REEP1: variants seen among roughly 807,000 people sequenced by gnomAD.
REEP1 encodes the protein receptor expression-enhancing protein 1.
REEP1 carries 22 observed loss-of-function variants against 40.3 expected under a neutral mutation model. That is an observed-to-expected ratio of 0.55 (90% CI 0.39 to 0.78). The LOEUF is 0.78. Ranked by LOEUF, REEP1 falls within the 30% of genes least tolerant of loss-of-function variation. The pLI, the probability that REEP1 is intolerant of heterozygous loss-of-function variation, is 0.00. For synonymous variants in REEP1, 116 were observed against 139.2 expected, an observed-to-expected ratio of 0.83 and a Z score of 1.17; for missense variants, 280 against 361.1, an observed-to-expected ratio of 0.78 and a Z score of 1.82.
chr2:86,298,630 G>A (rs990691853), intron 1 of REEP1, among the ~76,000 whole-genome samples: 1 of 152,330 alleles, frequency 6.6e-6, no homozygotes, highest in South Asian at 2.1e-4. Context: ...TGGACGCTTT[G>A]AGCATGAACT....
chr2:86,292,913 G>A lies in REEP1; in HGVS notation c.33-10671C>T, dbSNP rs539834790. 1.2e-4 allele frequency among the ~76,000 whole-genome samples: 19 copies of A among 152,228 alleles called. No homozygotes were observed. In the South Asian group the frequency reaches 3.9e-3, roughly 32 times the overall value. On this transcript the variant is annotated intron_variant, in intron 1 of 8. Transcript: ENST00000538924. ...GAGTGCATGTGTCGGTCTGGCAGAG[G>A]GTATCAAAAGCCCTGGGGAAGGCCA... is the stretch of plus-strand genomic sequence containing the variant.
intron 1 of REEP1, among the ~76,000 whole-genome samples, chr2:86,330,515 G>A (rs1036088492): frequency 2.7e-5 from 4 of 150,724 alleles, no homozygotes; most frequent in African/African-American, 9.8e-5. Flanking sequence ...CATGATCTCG[G>A]CTCACTGCAA....
At chr2:86,242,045 T>C (rs902970959) in intron 5 of REEP1, among the ~76,000 whole-genome samples, 3 of 152,118 alleles carry the variant, frequency 2.0e-5, no homozygotes, top group Non-Finnish European at 4.4e-5. Context: ...TTTTATTCTG[T>C]TCAACAGTGA....
At chr2:86,321,019 G>C (rs1680252402) in intron 1 of REEP1, among the ~76,000 whole-genome samples, 2 of 152,188 alleles carry the variant, frequency 1.3e-5, no homozygotes, top group African/African-American at 2.4e-5. Context: ...GTTTTGCCAT[G>C]TTGACCAGGC....
chr2:86,246,159 A>G (rs1675943459), intron 5 of REEP1, among the ~76,000 whole-genome samples: 1 of 152,260 alleles, frequency 6.6e-6, no homozygotes, highest in Non-Finnish European at 1.5e-5. Flanking sequence ...TCAAAAAGGT[A>G]TATACTTCAA....
intron 1 of REEP1, among the ~76,000 whole-genome samples, chr2:86,326,647 G>A (rs1245820256): frequency 1.3e-5 from 2 of 152,216 alleles, no homozygotes; most frequent in South Asian, 2.1e-4. Context: ...GGGAGGCGGA[G>A]GTTGCAGTGA....
At chr2:86,245,727 A>G (rs376115600) in intron 5 of REEP1, among the ~76,000 whole-genome samples, 82 of 147,048 alleles carry the variant, frequency 5.6e-4, no homozygotes, top group African/African-American at 1.9e-3. Context: ...CAGCTACCCT[A>G]TGGGTGGTGT....
At chr2:86,265,244 T>C (rs1038617767) in intron 2 of REEP1, among the ~76,000 whole-genome samples, 2 of 152,174 alleles carry the variant, frequency 1.3e-5, no homozygotes, top group East Asian at 3.8e-4. Context: ...CTGCCCACTG[T>C]TGGGGAAACA....
At chr2:86,290,778 C>G (rs1450979510) in intron 1 of REEP1, among the ~76,000 whole-genome samples, 1 of 152,168 alleles carries the variant, frequency 6.6e-6, no homozygotes, top group African/African-American at 2.4e-5. Flanking sequence ...GAAGCTTAAT[C>G]TGGGAAAAGA....
intron 3 of REEP1, among the ~76,000 whole-genome samples, chr2:86,256,479 A>G (rs948072987): frequency 4.6e-5 from 7 of 151,940 alleles, no homozygotes; most frequent in African/African-American, 1.7e-4. Flanking sequence ...CACCTGCCCC[A>G]ATCATCCCAG....
intron 3 of REEP1, among the ~76,000 whole-genome samples, chr2:86,259,177 C>T (rs1193331086): frequency 6.6e-6 from 1 of 151,354 alleles, no homozygotes; most frequent in Non-Finnish European, 1.5e-5. Context: ...GTAGTCCCAG[C>T]TACTCAGGAG....
chr2:86,293,541 G>C (rs1678831927), intron 1 of REEP1, among the ~76,000 whole-genome samples: 1 of 152,188 alleles, frequency 6.6e-6, no homozygotes, highest in Admixed American at 6.5e-5. Context: ...ACTTGTCAAA[G>C]CTCACAAAAC....
chr2:86,250,329 A>G (rs1676201378), intron 5 of REEP1, among the ~76,000 whole-genome samples: 1 of 152,186 alleles, frequency 6.6e-6, no homozygotes, highest in African/African-American at 2.4e-5. Context: ...CAGGCTTCAG[A>G]GGCAGAACAG....
rs1007214358 is a variant in REEP1, at chr2:86,214,555, A to G, written c.*2484T>C. On this transcript the variant is annotated 3_prime_UTR_variant, in exon 9 of 9. Transcript: ENST00000538924. ...GTCTGTAAGTCAGCAAATTAAAAAC[A>G]TTCAGTTGTATCCTCTAGACAGAAC... is the stretch of plus-strand genomic sequence containing the variant. 26 of 152,692 alleles carry G rather than the reference A, an allele frequency of 1.7e-4. No individual in the cohort carries two copies. Among genetic ancestry groups the G allele is most frequent in the African/African-American group, 6.0e-4 (25 of 41,464 alleles). The allele number at this position is 152,692 out of a possible 1,614,324, so 9.5% of individuals were successfully genotyped here. A position where few individuals can be genotyped will look rare whatever the true frequency, so the allele number is the denominator to read the frequency against.
chr2:86,260,499 C>T (rs775610245), intron 3 of REEP1, among the ~76,000 whole-genome samples: 8 of 152,164 alleles, frequency 5.3e-5, no homozygotes, highest in Admixed American at 2.0e-4. Flanking sequence ...ACTGATCAGA[C>T]GACTTTAAGA....
rs1471165527 is a variant in REEP1 at position 86,326,707 on chromosome 2, CA to C, written c.32+10771del. Among the ~76,000 whole-genome samples, 4 of 124,660 alleles carry C rather than the reference CA, an allele frequency of 3.2e-5. No individual in the cohort carries two copies. The East Asian group carries it at 7.8e-4, about 24-fold the overall frequency. 81.8% of individuals were successfully genotyped at this position (124,660 alleles called of 152,430 possible). On this transcript the variant is annotated intron_variant, in intron 1 of 8. Transcript: ENST00000538924. ...AGCCTGGGCGACAAGAGTAAAACTCCATCTCAAAAAAAAAATAAAAAATAAA... is the reference window on the plus strand; with the variant it reads ...AGCCTGGGCGACAAGAGTAAAACTCCTCTCAAAAAAAAAATAAAAAATAAA...
At chr2:86,258,797 C>G (rs1676702863) in intron 3 of REEP1, among the ~76,000 whole-genome samples, 1 of 152,112 alleles carries the variant, frequency 6.6e-6, no homozygotes. Flanking sequence ...CCAGAGGCAC[C>G]CACCACATTT....
rs1681081966 is a variant in REEP1 at position 86,337,110 on chromosome 2, A to G, written c.32+369T>C. On this transcript the variant is annotated intron_variant, in intron 1 of 8. Transcript: ENST00000538924. The surrounding 1 kb of genome is among the most constrained non-coding windows in gnomAD (Gnocchi z 5.8). ...CCGGGCGACCTCACATTTCTGCCAA[A>G]GGAGAGAGACGCGTGTCCGCGGTGC... 6.5e-6 allele frequency: 1 copy of G among 153,252 alleles called. No homozygotes were observed. The highest frequency in any genetic ancestry group is 1.4e-5 in the Non-Finnish European group (1 of 69,034). 9.5% of individuals were successfully genotyped at this position (153,252 alleles called of 1,614,324 possible).
chr2:86,239,208 C>CAAAAA (rs35714309), intron 5 of REEP1, among the ~76,000 whole-genome samples: 65 of 58,326 alleles, frequency 1.1e-3, no homozygotes, highest in African/African-American at 2.7e-3. Flanking sequence ...CCATCTAGAC[C>CAAAAA]AAAAAAAAAA....
Sources: gnomAD v4.1 joint callset for allele counts (sites outside exome capture counted in the v4.1 genomes callset) on GRCh38, gnomAD v4.1.1 for gene constraint, Gnocchi (gnomAD v3.1) non-coding constraint, MANE v1.5 for transcripts, NCBI Gene and HGNC (gene_info 2026-07-23, HGNC 2026-07-21) for gene names.